RBFOX1: variants seen among roughly 807,000 people sequenced by gnomAD.
RBFOX1 encodes the protein RNA binding fox-1 homolog 1.
A neutral mutation model predicts 57.7 loss-of-function variants in RBFOX1; 8 were observed. The ratio of observed to expected loss-of-function variants is 0.14; its 90% CI spans 0.08 to 0.25. RBFOX1 has a LOEUF of 0.25. Among genes scored for constraint, RBFOX1 ranks in the 10% least tolerant of loss-of-function variants. RBFOX1 has a pLI of 1.00. For missense variants in RBFOX1, 611 were observed against 548.5 expected, an observed-to-expected ratio of 1.11 and a Z score of -1.14; for synonymous variants, 326 against 222.4, an observed-to-expected ratio of 1.47 and a Z score of -4.15.
chr16:5,714,999 A>G (rs2051636666), intron 3 of RBFOX1, among the ~76,000 whole-genome samples: 1 of 152,228 alleles, frequency 6.6e-6, no homozygotes, highest in African/African-American at 2.4e-5. Flanking sequence ...GAAGCAGATT[A>G]AAGTAAAATG....
At chr16:6,247,197 T>G (rs1002318554) in intron 1 of RBFOX1, among the ~76,000 whole-genome samples, 1 of 152,210 alleles carries the variant, frequency 6.6e-6, no homozygotes, top group African/African-American at 2.4e-5. Flanking sequence ...TGCAACTGTC[T>G]TGGAAACGTC....
intron 4 of RBFOX1, among the ~76,000 whole-genome samples, chr16:6,007,825 T>C (rs1033587135): frequency 1.3e-5 from 2 of 152,114 alleles, no homozygotes; most frequent in African/African-American, 4.8e-5. Context: ...CACAGAACTT[T>C]GATATCTAGC....
At chr16:5,250,881 TG>T (rs1487791460) in intron 1 of RBFOX1, among the ~76,000 whole-genome samples, 2 of 152,238 alleles carry the variant, frequency 1.3e-5, no homozygotes, top group African/African-American at 4.8e-5. Context: ...TTCTGTGAGA[TG>T]TTCCTGGAGG....
intron 3 of RBFOX1, among the ~76,000 whole-genome samples, chr16:6,700,503 A>C (rs538859819): frequency 6.6e-6 from 1 of 152,122 alleles, no homozygotes; most frequent in South Asian, 2.1e-4. Flanking sequence ...ACTAAAATAC[A>C]AAAAATCAGC....
chr16:7,040,854 A>C (rs1301044392), intron 3 of RBFOX1, among the ~76,000 whole-genome samples: 4 of 152,214 alleles, frequency 2.6e-5, no homozygotes, highest in Non-Finnish European at 4.4e-5. Flanking sequence ...CCATGGGCCA[A>C]AGACAGCTCA....
chr16:7,456,022 G>A (rs545692127), intron 4 of RBFOX1, among the ~76,000 whole-genome samples: 1 of 152,018 alleles, frequency 6.6e-6, no homozygotes, highest in Non-Finnish European at 1.5e-5. Flanking sequence ...TCCCTGCATG[G>A]TCATGCAGGG....
chr16:6,516,684 CA>C (rs2096385538), intron 2 of RBFOX1, among the ~76,000 whole-genome samples: 1 of 152,090 alleles, frequency 6.6e-6, no homozygotes, highest in Non-Finnish European at 1.5e-5. Context: ...GTAACATCAC[CA>C]ATTATTCGTG....
chr16:5,310,530 G>T (rs1177335463), intron 1 of RBFOX1, among the ~76,000 whole-genome samples: 3 of 152,208 alleles, frequency 2.0e-5, no homozygotes, highest in Admixed American at 2.0e-4. Context: ...TCTGTATATG[G>T]AGGAGGGGGT....
intron 1 of RBFOX1, among the ~76,000 whole-genome samples, chr16:5,432,170 C>T (rs547943275): frequency 5.9e-4 from 90 of 152,126 alleles, no homozygotes; most frequent in Middle Eastern, 6.8e-3. Flanking sequence ...ATTGGCACAG[C>T]GAGGTGTGGA....
chr16:6,612,321 C>G (rs1240159327), intron 2 of RBFOX1, among the ~76,000 whole-genome samples: 1 of 152,142 alleles, frequency 6.6e-6, no homozygotes, highest in Non-Finnish European at 1.5e-5. Flanking sequence ...GATGATATTA[C>G]AAACTAAACT....
chr16:6,424,508 C>T (rs920167261), intron 2 of RBFOX1, among the ~76,000 whole-genome samples: 7 of 152,110 alleles, frequency 4.6e-5, no homozygotes, highest in Non-Finnish European at 1.0e-4. Context: ...AATGCTACTG[C>T]TCAGCATCTT....
intron 1 of RBFOX1, among the ~76,000 whole-genome samples, chr16:5,432,053 A>G (rs76871820): frequency 0.02 from 3,103 of 152,164 alleles, 110 homozygotes; most frequent in African/African-American, 0.071. Flanking sequence ...TGGAGGTAAT[A>G]AAGACGCCCC....
intron 4 of RBFOX1, among the ~76,000 whole-genome samples, chr16:7,339,114 G>T (rs1219996064): frequency 6.6e-6 from 1 of 152,150 alleles, no homozygotes; most frequent in Non-Finnish European, 1.5e-5. Context: ...ATAGGCTCTG[G>T]CATTTACTAA....
chr16:6,455,471 G>C (rs2094747497), intron 2 of RBFOX1, among the ~76,000 whole-genome samples: 1 of 152,100 alleles, frequency 6.6e-6, no homozygotes, highest in Admixed American at 6.5e-5. Context: ...TTGAGTGGCA[G>C]GCAACATGTA....
chr16:5,332,794 A>G (rs1431697810), intron 1 of RBFOX1, among the ~76,000 whole-genome samples: 3 of 151,932 alleles, frequency 2.0e-5, no homozygotes, highest in East Asian at 3.8e-4. Context: ...TTAACTTATA[A>G]TACACATTAT....
At chr16:7,520,800 G>A (rs1353699576) in intron 5 of RBFOX1, among the ~76,000 whole-genome samples, 1 of 152,110 alleles carries the variant, frequency 6.6e-6, no homozygotes, top group Non-Finnish European at 1.5e-5. Context: ...AGTAATGCCT[G>A]GATAGGTTAT....
intron 4 of RBFOX1, among the ~76,000 whole-genome samples, chr16:7,359,737 C>G (rs1404490890): frequency 6.6e-6 from 1 of 152,160 alleles, no homozygotes; most frequent in Non-Finnish European, 1.5e-5. Context: ...GTAATCCCAG[C>G]ACTTTGGGAG....
chr16:5,843,951 A>C (rs2056689273), intron 3 of RBFOX1, among the ~76,000 whole-genome samples: 1 of 152,224 alleles, frequency 6.6e-6, no homozygotes. Flanking sequence ...AAGTCAGAAG[A>C]GTTTCCCTAG....
intron 2 of RBFOX1, among the ~76,000 whole-genome samples, chr16:6,365,374 G>A (rs2152878899): frequency 1.3e-5 from 2 of 151,830 alleles, no homozygotes; most frequent in South Asian, 4.2e-4. Flanking sequence ...ATGAGTGGAT[G>A]GGTGGATAGG....
Sources: gnomAD v4.1 joint callset for allele counts (sites outside exome capture counted in the v4.1 genomes callset) on GRCh38, gnomAD v4.1.1 for gene constraint, MANE v1.5 for transcripts, NCBI Gene and HGNC (gene_info 2026-07-23, HGNC 2026-07-21) for gene names.